Variants in ASIC2 observed in about 807,000 individuals in gnomAD.
The protein encoded by ASIC2 is acid sensing ion channel subunit 2.
A neutral mutation model predicts 57.3 loss-of-function variants in ASIC2; 25 were observed. The observed-to-expected ratio is 0.44, with a 90% CI of 0.32 to 0.61. The LOEUF (loss-of-function observed/expected upper bound fraction) is 0.61. Ranked by LOEUF, ASIC2 falls within the 20% of genes least tolerant of loss-of-function variation. The probability of loss-of-function intolerance (pLI) is 0.06; values close to 1 mark genes in which losing one functional copy is unlikely to be tolerated. For synonymous variants in ASIC2, 319 were observed against 307.5 expected, an observed-to-expected ratio of 1.04 and a Z score of -0.39; for missense variants, 641 against 738.1, an observed-to-expected ratio of 0.87 and a Z score of 1.52.
At chr17:33,893,405 C>T (rs1915013579) in intron 1 of ASIC2, among the ~76,000 whole-genome samples, 1 of 152,164 alleles carries the variant, frequency 6.6e-6, no homozygotes, top group Admixed American at 6.5e-5. Flanking sequence ...CTTCCCCTCT[C>T]TGTGTCTTGA....
At chr17:33,946,152 C>T (rs529150633) in intron 1 of ASIC2, among the ~76,000 whole-genome samples, 43 of 152,314 alleles carry the variant, frequency 2.8e-4, no homozygotes, top group African/African-American at 9.9e-4. Context: ...ACAGTCAAGG[C>T]GGCCACTGCA....
intron 1 of ASIC2, among the ~76,000 whole-genome samples, chr17:33,790,937 G>T (rs1019588777): frequency 1.3e-5 from 2 of 151,938 alleles, no homozygotes; most frequent in Non-Finnish European, 2.9e-5. Flanking sequence ...CCTTTCTATG[G>T]GTGAAAAAAA....
chr17:33,701,304 G>A lies in ASIC2; in HGVS notation c.555+454674C>T, dbSNP rs552890792. Among the ~76,000 whole-genome samples the A allele has an allele frequency of 6.6e-5, 10 of 152,180 alleles. No individual in the cohort carries two copies. In the South Asian group the frequency reaches 1.5e-3, roughly 22 times the overall value. ...TGGAATACCGACCAATCTCTTGTTC[G>A]TCTGTTCAATATTTAATTCTGCACA... On this transcript the variant is annotated intron_variant, in intron 1 of 9. Coordinates refer to the ASIC2 transcript ENST00000359872.
chr17:34,085,458 T>C (rs1253431309), intron 1 of ASIC2, among the ~76,000 whole-genome samples: 1 of 152,214 alleles, frequency 6.6e-6, no homozygotes, highest in Non-Finnish European at 1.5e-5. Context: ...TATTGACGAT[T>C]TTTGCATCGA....
At chr17:33,036,989 G>T (rs933716078) in intron 3 of ASIC2, among the ~76,000 whole-genome samples, 4 of 151,992 alleles carry the variant, frequency 2.6e-5, no homozygotes, top group African/African-American at 9.7e-5. Context: ...GAGCAGAAAA[G>T]ATAACTATTT....
At chr17:33,610,716 A>AAAAT (rs10677853) in intron 1 of ASIC2, among the ~76,000 whole-genome samples, 15,975 of 149,170 alleles carry the variant, frequency 0.11, 2,581 homozygotes, top group African/African-American at 0.36. Flanking sequence ...AAATAAATAA[A>AAAAT]AAATAAATAA....
intron 1 of ASIC2, among the ~76,000 whole-genome samples, chr17:33,619,189 G>C (rs1905699875): frequency 6.6e-6 from 1 of 152,020 alleles, no homozygotes; most frequent in African/African-American, 2.4e-5. Context: ...AAATATAACT[G>C]TTTTTTAGAT....
At chr17:33,259,478 G>A (rs1184405482) in intron 1 of ASIC2, among the ~76,000 whole-genome samples, 1 of 151,794 alleles carries the variant, frequency 6.6e-6, no homozygotes, top group African/African-American at 2.4e-5. Flanking sequence ...ACCTCCCACC[G>A]CCCATTCCTC....
At chr17:34,050,575 C>A (rs1324263858) in intron 1 of ASIC2, among the ~76,000 whole-genome samples, 1 of 152,114 alleles carries the variant, frequency 6.6e-6, no homozygotes, top group Non-Finnish European at 1.5e-5. Context: ...GATTTTAATC[C>A]TCTAAAAACT....
intron 1 of ASIC2, among the ~76,000 whole-genome samples, chr17:33,334,457 C>A (rs2142229519): frequency 6.6e-6 from 1 of 152,222 alleles, no homozygotes; most frequent in South Asian, 2.1e-4. Flanking sequence ...GAAGAGCATC[C>A]TAGAAGATAG....
chr17:33,418,220 G>A (rs1190053865), intron 1 of ASIC2, among the ~76,000 whole-genome samples: 1 of 152,116 alleles, frequency 6.6e-6, no homozygotes, highest in African/African-American at 2.4e-5. Flanking sequence ...TTGAAGGGTA[G>A]GATTCAGGAA....
At chr17:33,163,214 A>G (rs1905211267) in intron 1 of ASIC2, among the ~76,000 whole-genome samples, 1 of 152,196 alleles carries the variant, frequency 6.6e-6, no homozygotes, top group Non-Finnish European at 1.5e-5. Context: ...GGCCGTCTCC[A>G]AGACAAGGAG....
intron 3 of ASIC2, among the ~76,000 whole-genome samples, chr17:33,069,702 C>T (rs1212726258): frequency 6.6e-6 from 1 of 151,924 alleles, no homozygotes; most frequent in African/African-American, 2.4e-5. Flanking sequence ...ATGTTTCCAT[C>T]CTTTAAAAAA....
intron 1 of ASIC2, among the ~76,000 whole-genome samples, chr17:33,706,220 T>TATATAC (rs1908858864): frequency 6.7e-6 from 1 of 149,130 alleles, no homozygotes; most frequent in Admixed American, 6.7e-5. Context: ...TATATATATA[T>TATATAC]ATATATATAT....
intron 1 of ASIC2, among the ~76,000 whole-genome samples, chr17:33,940,240 A>C (rs1916156129): frequency 6.6e-6 from 1 of 152,010 alleles, no homozygotes; most frequent in African/African-American, 2.4e-5. Flanking sequence ...ATCATGAGTG[A>C]GGACTTCAGA....
intron 1 of ASIC2, among the ~76,000 whole-genome samples, chr17:33,818,762 A>G (rs1597888873): frequency 1.3e-5 from 2 of 152,304 alleles, no homozygotes; most frequent in East Asian, 1.9e-4. Flanking sequence ...TTTTGTAGGC[A>G]TTTCTTAATG....
chr17:33,906,021 T>G (rs1332489318), intron 1 of ASIC2, among the ~76,000 whole-genome samples: 6 of 149,806 alleles, frequency 4.0e-5, no homozygotes, highest in African/African-American at 9.7e-5. Flanking sequence ...ATTTTTTTTT[T>G]TTTTTTTTGT....
chr17:34,062,367 G>A (rs1394895079), intron 1 of ASIC2, among the ~76,000 whole-genome samples: 1 of 152,082 alleles, frequency 6.6e-6, no homozygotes, highest in Non-Finnish European at 1.5e-5. Context: ...TTGGGATGCA[G>A]CAAAAGTGGC....
At chr17:33,305,844 G>C (rs1482409991) in intron 1 of ASIC2, among the ~76,000 whole-genome samples, 1 of 152,148 alleles carries the variant, frequency 6.6e-6, no homozygotes, top group Non-Finnish European at 1.5e-5. Flanking sequence ...ACACTTCTTT[G>C]TAAGAGAGTC....
Sources: allele counts gnomAD v4.1 joint callset (sites outside exome capture counted in the v4.1 genomes callset), GRCh38; gene constraint gnomAD v4.1.1; transcripts MANE v1.5; gene names NCBI Gene and HGNC (gene_info 2026-07-23, HGNC 2026-07-21).